Variants in LRP5 observed in about 807,000 individuals in gnomAD.
The protein encoded by LRP5 is low-density lipoprotein receptor-related protein 5.
Under a neutral mutation model 154.1 loss-of-function variants are expected in LRP5, and 62 were observed. That is an observed-to-expected ratio of 0.40 (90% CI 0.33 to 0.50). The LOEUF (loss-of-function observed/expected upper bound fraction) is 0.50. LRP5 is among the 20% of genes least tolerant of loss of function. The pLI is 0.55. For missense variants in LRP5, 1,915 were observed against 2,336.7 expected (o/e 0.82, Z 3.72); for synonymous variants, 966 against 1,011.5 (o/e 0.96, Z 0.85).
chr11:68,379,577 G>A (rs1187426194), intron 5 of LRP5, among the ~76,000 whole-genome samples: 3 of 152,264 alleles, frequency 2.0e-5, no homozygotes, highest in African/African-American at 4.8e-5. Flanking sequence ...CAATTTCCAC[G>A]TTTACTGACT....
intron 7 of LRP5, among the ~76,000 whole-genome samples, chr11:68,398,005 T>TGTGTGTGTGTGTTTGC (rs1303184071): frequency 1.3e-5 from 2 of 151,980 alleles, no homozygotes; most frequent in Non-Finnish European, 2.9e-5. Flanking sequence ...TGTGTGTGTG[T>TGTGTGTGTGTGTTTGC]GTGTTTGCGT....
chr11:68,342,433 G>A (rs1376342032), intron 1 of LRP5, among the ~76,000 whole-genome samples: 1 of 152,152 alleles, frequency 6.6e-6, no homozygotes, highest in Non-Finnish European at 1.5e-5. Context: ...AGGGAGGAGG[G>A]GGAGCAGAAG....
intron 5 of LRP5, among the ~76,000 whole-genome samples, chr11:68,376,301 C>T (rs1193170501): frequency 6.6e-6 from 1 of 151,964 alleles, no homozygotes; most frequent in African/African-American, 2.4e-5. Context: ...CCTGCCTCAG[C>T]CTCCCGAGTA....
At chr11:68,412,659 A>G (rs957801421) in intron 11 of LRP5, among the ~76,000 whole-genome samples, 52 of 151,088 alleles carry the variant, frequency 3.4e-4, no homozygotes, top group African/African-American at 1.3e-3. Flanking sequence ...AAAAAAAAGA[A>G]GAAGAAAAAG....
At position 68,439,834 on chromosome 11, in the gene LRP5, G is replaced by A; in HGVS notation, c.4406G>A (p.Gly1469Glu). The A allele has an allele frequency of 1.2e-6, 2 of 1,611,232 alleles. No homozygotes were observed. Among genetic ancestry groups the A allele is most frequent in the Non-Finnish European group, 8.5e-7 (1 of 1,179,510 alleles). Residue 1469 changes from glycine to glutamate, a missense_variant, in exon 21 of 23, where the codon GGG becomes GAG. By Grantham distance (98) the Gly-to-Glu change is moderately conservative (BLOSUM62 -2). Around this residue, in one of 3 missense-constraint regions of LRP5, gnomAD observed 1,094 missense variants for 1,210.1 expected, o/e 0.90. Coordinates refer to ENST00000294304, the MANE Select transcript of LRP5 (RefSeq NM_002335.4). The part of the protein sequence containing the change: ...SSVSLMGGRG[G>E]VPLYDRNHVT... ...GTGAGCCTGATGGGGGGCCGGGGCG[G>A]GGTGCCCCTCTACGACCGGAACCAC... is the stretch of plus-strand genomic sequence containing the variant.
chr11:68,322,649 T>C (rs1279828198), intron 1 of LRP5, among the ~76,000 whole-genome samples: 2 of 152,256 alleles, frequency 1.3e-5, no homozygotes, highest in East Asian at 3.8e-4. Context: ...CCTCTGCCTC[T>C]AGTGTGATGT....
In LRP5 at chr11:68,445,568, C is replaced by T. The variant is rs556596129; in HGVS notation, c.4489-868C>T. 1,588 of 1,310,506 alleles carry T rather than the reference C, an allele frequency of 1.2e-3. 2 individuals are homozygous for T. Among genetic ancestry groups the T allele is most frequent in the Non-Finnish European group, 1.5e-3 (1,518 of 999,570 alleles). 81.2% of individuals were successfully genotyped at this position (1,310,506 alleles called of 1,614,324 possible). The stretch of plus-strand genomic sequence containing the variant: ...ACTGACAGTTCTGTTCCCATTATTC[C>T]GCAGGGGCTCGGATCTGGCTGTATG... On this transcript the variant is annotated intron_variant, in intron 21 of 22. Coordinates refer to ENST00000294304, the MANE Select transcript of LRP5 (RefSeq NM_002335.4).
intron 7 of LRP5, among the ~76,000 whole-genome samples, chr11:68,397,972 T>TTGTTTGTGTGTGTGTG (rs2098650399): frequency 7.0e-6 from 1 of 142,092 alleles, no homozygotes. Flanking sequence ...CTGTGTGTGT[T>TTGTTTGTGTGTGTGTG]TGTGTGTGTG....
At chr11:68,365,730 G>GA in intron 5 of LRP5, 28 bp downstream of exon 5, 1 of 637,234 alleles carries the variant, frequency 1.6e-6, no homozygotes, top group Non-Finnish European at 2.5e-6. Flanking sequence ...GACGGGGCGG[G>GA]CGGGCGGGGC....
At chr11:68,432,425 G>A (rs2098672451) in intron 17 of LRP5, among the ~76,000 whole-genome samples, 1 of 152,210 alleles carries the variant, frequency 6.6e-6, no homozygotes, top group Non-Finnish European at 1.5e-5. Context: ...GCTGAGCCCA[G>A]TGGGGACAGC....
chr11:68,372,414 A>T (rs1422720959), intron 5 of LRP5, among the ~76,000 whole-genome samples: 7 of 144,558 alleles, frequency 4.8e-5, no homozygotes, highest in African/African-American at 1.3e-4. Context: ...TGTCAGGCAG[A>T]CCCGGGACCG....
At chr11:68,441,497 C>T (rs2098678194) in intron 21 of LRP5, among the ~76,000 whole-genome samples, 1 of 152,160 alleles carries the variant, frequency 6.6e-6, no homozygotes, top group Non-Finnish European at 1.5e-5. Context: ...CAGGGCCTGG[C>T]TTTGTTTAGG....
Position 68,347,917 on chromosome 11 carries a change from G to C in LRP5, c.162G>C (p.Glu54Asp), listed in dbSNP as rs764736624. The change falls in exon 2 of 23, where the codon GAG becomes GAC. Residue 54 changes from glutamate to aspartate, a missense_variant. Glu to Asp is a conservative substitution (Grantham distance 45, BLOSUM62 2). Around this residue, in one of 3 missense-constraint regions of LRP5, gnomAD observed 773 missense variants for 1,100.9 expected, o/e 0.70. Coordinates refer to ENST00000294304, the MANE Select transcript of LRP5 (RefSeq NM_002335.4). ...TGGACGCCGGCGGAGTCAAGCTGGA[G>C]TCCACCATCGTGGTCAGCGGCCTGG... ...RLVDAGGVKL[E>D]STIVVSGLED... 1.8e-5 allele frequency: 29 copies of C among 1,613,638 alleles called. No homozygotes were observed. Among genetic ancestry groups the C allele is most frequent in the Middle Eastern group, 1.7e-4 (1 of 6,056 alleles).
At chr11:68,422,673 C>T (rs943873352) in intron 13 of LRP5, among the ~76,000 whole-genome samples, 1 of 152,112 alleles carries the variant, frequency 6.6e-6, no homozygotes, top group Non-Finnish European at 1.5e-5. Flanking sequence ...CCTTGAGAGT[C>T]ACTGAGAGAC....
chr11:68,427,577 G>T (rs1298967225), intron 16 of LRP5, among the ~76,000 whole-genome samples: 1 of 152,154 alleles, frequency 6.6e-6, no homozygotes, highest in Non-Finnish European at 1.5e-5. Flanking sequence ...CTACTGGGGA[G>T]GCTGAGGTGG....
chr11:68,331,708 G>T (rs1163545710), intron 1 of LRP5, among the ~76,000 whole-genome samples: 14 of 151,988 alleles, frequency 9.2e-5, no homozygotes, highest in African/African-American at 3.1e-4. Context: ...CGGGAAACTT[G>T]CCTGGACCTC....
intron 16 of LRP5, among the ~76,000 whole-genome samples, chr11:68,428,610 A>C (rs1446969832): frequency 6.6e-6 from 1 of 151,660 alleles, no homozygotes; most frequent in Non-Finnish European, 1.5e-5. Context: ...GTTGCCTCTT[A>C]TAAGGACGTT....
chr11:68,305,011 G>C, the LRP5 span, among the ~76,000 whole-genome samples: 1 of 152,072 alleles, frequency 6.6e-6, no homozygotes, highest in African/African-American at 2.4e-5. Flanking sequence ...GGGGCTACTG[G>C]GAAGGCATGA....
chr11:68,364,673 C>T (rs971768275), intron 4 of LRP5, among the ~76,000 whole-genome samples: 2 of 152,124 alleles, frequency 1.3e-5, no homozygotes, highest in Non-Finnish European at 2.9e-5. Context: ...GTGGCCCACT[C>T]CCACAGGGAC....
Sources: gnomAD v4.1 joint callset for allele counts (sites outside exome capture counted in the v4.1 genomes callset) on GRCh38, gnomAD v4.1.1 for gene constraint, gnomAD v4.1.1 regional missense constraint, MANE v1.5 for transcripts, NCBI Gene and HGNC (gene_info 2026-07-23, HGNC 2026-07-21) for gene names.